Variants in HECW1 observed in about 807,000 individuals in gnomAD.
The protein encoded by HECW1 is E3 ubiquitin-protein ligase HECW1.
In HECW1, 61 loss-of-function variants were observed where a neutral mutation model predicts 182.3. The ratio of observed to expected loss-of-function variants is 0.33; its 90% CI spans 0.27 to 0.41. HECW1 has a LOEUF of 0.41. Among genes scored for constraint, HECW1 ranks in the 10% least tolerant of loss-of-function variants. The pLI is 1.00. For synonymous variants in HECW1, 859 were observed against 832.6 expected (o/e 1.03, Z -0.55); for missense variants, 1,739 against 2,108.9 (o/e 0.82, Z 3.44).
chr7:43,242,206 T>C (rs1316683915), intron 2 of HECW1, among the ~76,000 whole-genome samples: 1 of 152,210 alleles, frequency 6.6e-6, no homozygotes, highest in Non-Finnish European at 1.5e-5. Flanking sequence ...GGTTTCCTTT[T>C]TCAATAAAGT....
chr7:43,367,279 A>G (rs1305039142), intron 6 of HECW1, among the ~76,000 whole-genome samples: 3 of 152,176 alleles, frequency 2.0e-5, no homozygotes, highest in African/African-American at 7.2e-5. Context: ...TTACATCCAG[A>G]ATTTATTTTT....
intron 9 of HECW1, chr7:43,439,941 C>A (rs182801621): frequency 6.6e-6 from 1 of 152,350 alleles, no homozygotes; most frequent in Admixed American, 6.5e-5. Flanking sequence ...GCCATGGAGG[C>A]GTTTTTCCTC....
chr7:43,559,544 G>A (rs1044183347), intron 29 of HECW1, among the ~76,000 whole-genome samples: 5 of 152,174 alleles, frequency 3.3e-5, no homozygotes, highest in Non-Finnish European at 7.3e-5. Flanking sequence ...CCTTTGAGGT[G>A]CACGCAGCAT....
chr7:43,539,320 G>T (rs1357461684), intron 24 of HECW1, among the ~76,000 whole-genome samples: 2 of 152,158 alleles, frequency 1.3e-5, no homozygotes, highest in Non-Finnish European at 2.9e-5. Context: ...TGGAACTGTT[G>T]AAATAGCAGA....
chr7:43,294,814 T>C (rs983757217), intron 3 of HECW1, among the ~76,000 whole-genome samples: 1 of 152,124 alleles, frequency 6.6e-6, no homozygotes, highest in East Asian at 1.9e-4. Context: ...TTTGCCAAGG[T>C]TAAGGATGCA....
At chr7:43,488,418 GAGAGAA>G (rs1361052833) in intron 17 of HECW1, among the ~76,000 whole-genome samples, 3 of 84,914 alleles carry the variant, frequency 3.5e-5, no homozygotes, top group Non-Finnish European at 7.6e-5. Flanking sequence ...GAAAGAGAGA[GAGAGAA>G]AGAAAGAAAG....
At chr7:43,430,112 A>C (rs1401543167) in intron 8 of HECW1, among the ~76,000 whole-genome samples, 1 of 152,244 alleles carries the variant, frequency 6.6e-6, no homozygotes, top group Non-Finnish European at 1.5e-5. Context: ...TGCATAAATG[A>C]ATCACTATAC....
intron 2 of HECW1, among the ~76,000 whole-genome samples, chr7:43,128,159 C>T (rs1178890232): frequency 2.0e-5 from 3 of 152,164 alleles, no homozygotes; most frequent in Admixed American, 1.3e-4. Flanking sequence ...GGATTACAGG[C>T]GTGAGCCACC....
chr7:43,125,824 C>T (rs1470080650), intron 2 of HECW1, among the ~76,000 whole-genome samples: 2 of 146,420 alleles, frequency 1.4e-5, no homozygotes, highest in East Asian at 2.0e-4. Context: ...TGGAGCCAAG[C>T]GGCCTTTTGT....
intron 7 of HECW1, among the ~76,000 whole-genome samples, chr7:43,400,883 C>T (rs944651617): frequency 6.6e-6 from 1 of 152,192 alleles, no homozygotes; most frequent in African/African-American, 2.4e-5. Flanking sequence ...GCAAATCCAT[C>T]CCTTGCCACT....
chr7:43,450,858 CA>C lies in HECW1; in HGVS notation c.2430del (p.Val811Ter). 1.9e-6 allele frequency: 3 copies of C among 1,612,610 alleles called. No homozygotes were observed. The South Asian group carries it at 3.3e-5, about 18-fold the overall frequency. Reference sequence around the variant, plus strand: ...TGTCCTATACTCCATAATTCCCAGCCAGTAAGCCAGCTTCCTTCCCTGAGGC... The same window carrying C: ...TGTCCTATACTCCATAATTCCCAGCCGTAAGCCAGCTTCCTTCCCTGAGGC... ...GECPILHNSQ[P>X]VSQLPSLRPE... is the part of the protein sequence containing the mutation. On this transcript the variant is annotated frameshift_variant, in exon 12 of 30. Transcript: ENST00000395891. LOFTEE classifies it high-confidence loss of function.
At position 43,445,197 on chromosome 7, in the gene HECW1, G is replaced by A. The variant is rs2077010066; in HGVS notation, c.2025G>A (p.Ala675=). Residue 675 remains alanine (A), a synonymous_variant, in exon 11 of 30, where the codon GCG becomes GCA. Coordinates refer to ENST00000395891, the MANE Select transcript of HECW1 (RefSeq NM_015052.5). ...ACCACAGTTGCGAGGGCTGTGACGC[G>A]TCCTGCTGCAGCCCCTCGTGCTACA... ...GGDHSCEGCD[A]SCCSPSCYSS... is the part of the protein sequence containing the mutation. The A allele has an allele frequency of 1.9e-6, 3 of 1,612,974 alleles. No individual in the cohort carries two copies. Among genetic ancestry groups the A allele is most frequent in the South Asian group, 1.1e-5 (1 of 91,076 alleles).
chr7:43,166,303 G>A (rs117648218), intron 2 of HECW1, among the ~76,000 whole-genome samples: 3,267 of 152,230 alleles, frequency 0.021, 38 homozygotes, highest in Middle Eastern at 0.054. Flanking sequence ...GGTTGGTCAC[G>A]AACTCCTGAC....
intron 8 of HECW1, among the ~76,000 whole-genome samples, chr7:43,419,784 C>A (rs1766894740): frequency 6.6e-6 from 1 of 152,222 alleles, no homozygotes; most frequent in Admixed American, 6.5e-5. Context: ...CCCAGCAAGG[C>A]TGTTTTTACT....
At chr7:43,503,825 C>T (rs901656152) in intron 21 of HECW1, among the ~76,000 whole-genome samples, 3 of 152,144 alleles carry the variant, frequency 2.0e-5, no homozygotes, top group East Asian at 1.9e-4. Context: ...ATAGTACCAG[C>T]GGTAGTGAAA....
rs2082290829 is a variant in HECW1, at chr7:43,564,745, A to T, written c.*2819A>T. On this transcript the variant is annotated 3_prime_UTR_variant, in exon 30 of 30. Coordinates refer to ENST00000395891, the MANE Select transcript of HECW1 (RefSeq NM_015052.5). Reference sequence around the variant, plus strand: ...TACCTTATTTATAAGGCTGATTTTTAAATTATATATAATTTTTCATTCAAT... The same window carrying T: ...TACCTTATTTATAAGGCTGATTTTTTAATTATATATAATTTTTCATTCAAT... 2.2e-5 allele frequency: 4 copies of T among 179,694 alleles called. No homozygotes were observed. Among genetic ancestry groups the T allele is most frequent in the Non-Finnish European group, 4.8e-5 (4 of 83,914 alleles). 11.1% of individuals were successfully genotyped at this position (179,694 alleles called of 1,614,324 possible).
At chr7:43,230,164 G>A (rs1247452320) in intron 2 of HECW1, among the ~76,000 whole-genome samples, 3 of 152,212 alleles carry the variant, frequency 2.0e-5, no homozygotes, top group African/African-American at 4.8e-5. Context: ...AGACCGAGGC[G>A]GGAGGATTGC....
At chr7:43,190,101 G>GT (rs112755147) in intron 2 of HECW1, among the ~76,000 whole-genome samples, 5 of 152,064 alleles carry the variant, frequency 3.3e-5, no homozygotes, top group African/African-American at 1.2e-4. Flanking sequence ...TGTTGTTGTT[G>GT]TTGTTTGTTT....
In HECW1 at chr7:43,438,014, T is replaced by G; in HGVS notation, c.813T>G (p.Phe271Leu). 6.2e-7 allele frequency: 1 copy of G among 1,614,158 alleles called. No individual in the cohort carries two copies. The highest frequency in any genetic ancestry group is 8.5e-7 in the Non-Finnish European group (1 of 1,180,006). The change falls in exon 9 of 30, where the codon TTT becomes TTG. Residue 271 changes from phenylalanine to leucine, a missense_variant. Coordinates refer to ENST00000395891, the MANE Select transcript of HECW1 (RefSeq NM_015052.5). Reference sequence around the variant, plus strand: ...TTCTTTCATTGCAGCAATTCAGTTTTGTGTCCTTGCCCACTGACGTGCTGG... The same window carrying G: ...TTCTTTCATTGCAGCAATTCAGTTTGGTGTCCTTGCCCACTGACGTGCTGG... ...NPIWQAEQFS[F>L]VSLPTDVLEI... is the part of the protein sequence containing the mutation.
Sources: allele counts gnomAD v4.1 joint callset (sites outside exome capture counted in the v4.1 genomes callset), GRCh38; gene constraint gnomAD v4.1.1; transcripts MANE v1.5; gene names NCBI Gene and HGNC (gene_info 2026-07-23, HGNC 2026-07-21).